Variants in APBB2 observed in about 807,000 individuals in gnomAD.
APBB2 encodes amyloid beta precursor protein binding family B member 2.
APBB2 carries 38 observed loss-of-function variants against 82.5 expected under a neutral mutation model. That is an observed-to-expected ratio of 0.46 (90% CI 0.36 to 0.60). The LOEUF is 0.60. APBB2 is among the 20% of genes least tolerant of loss of function. The probability of loss-of-function intolerance (pLI) is 0.00; values close to 1 mark genes in which losing one functional copy is unlikely to be tolerated. For missense variants in APBB2, 772 were observed against 972.3 expected (o/e 0.79, Z 2.74); for synonymous variants, 341 against 368.2 (o/e 0.93, Z 0.85).
rs534607038 is a variant in APBB2 at position 40,828,775 on chromosome 4, G to A, written c.1645-1556C>T. Among the ~76,000 whole-genome samples the A allele has an allele frequency of 3.0e-4, 45 of 152,138 alleles. 1 individual carries two copies. Among genetic ancestry groups the A allele is most frequent in the African/African-American group, 9.6e-4 (40 of 41,578 alleles). Reference sequence around the variant, plus strand: ...AATGTGAACATGGGCGGGAATAAACGTGGTGATCTCAAGACCAGTGCCCAT... The same window carrying A: ...AATGTGAACATGGGCGGGAATAAACATGGTGATCTCAAGACCAGTGCCCAT... On this transcript the variant is annotated intron_variant, in intron 13 of 17. Transcript: ENST00000508593.
intron 12 of APBB2, among the ~76,000 whole-genome samples, chr4:40,849,926 G>C (rs562693434): frequency 2.2e-4 from 33 of 152,132 alleles, no homozygotes; most frequent in Admixed American, 7.2e-4. Context: ...GTTTCACCAT[G>C]TTGCTCAGTC....
intron 6 of APBB2, among the ~76,000 whole-genome samples, chr4:41,008,217 G>A: frequency 6.6e-6 from 1 of 152,222 alleles, no homozygotes; most frequent in East Asian, 1.9e-4. Context: ...ACCTGAGAGT[G>A]AGAAAGTACC....
intron 2 of APBB2, among the ~76,000 whole-genome samples, chr4:41,124,492 G>T (rs1449577542): frequency 6.6e-6 from 1 of 152,014 alleles, no homozygotes; most frequent in Non-Finnish European, 1.5e-5. Context: ...TTACAGGCGT[G>T]AGCCACCGCG....
intron 6 of APBB2, among the ~76,000 whole-genome samples, chr4:40,993,356 T>A (rs1029712208): frequency 7.2e-6 from 1 of 139,404 alleles, no homozygotes; most frequent in Admixed American, 7.8e-5. Context: ...TAAGAACTCT[T>A]CTCTCTTTTT....
chr4:41,109,749 C>T (rs554650146), intron 2 of APBB2, among the ~76,000 whole-genome samples: 1 of 152,220 alleles, frequency 6.6e-6, no homozygotes, highest in African/African-American at 2.4e-5. Context: ...GGATTACAGC[C>T]GTGAGCCACT....
chr4:40,918,131 A>C (rs1352753075), intron 10 of APBB2, among the ~76,000 whole-genome samples: 1 of 152,256 alleles, frequency 6.6e-6, no homozygotes, highest in Non-Finnish European at 1.5e-5. Context: ...CTTATTTACA[A>C]TGTGACGTAT....
intron 6 of APBB2, among the ~76,000 whole-genome samples, chr4:40,969,895 A>G (rs920566673): frequency 6.6e-6 from 1 of 152,246 alleles, no homozygotes; most frequent in African/African-American, 2.4e-5. Flanking sequence ...TTTTCAATCA[A>G]TAAAATTGTG....
chr4:41,039,719 G>C (rs1487212527), intron 4 of APBB2, among the ~76,000 whole-genome samples: 1 of 151,918 alleles, frequency 6.6e-6, no homozygotes, highest in Non-Finnish European at 1.5e-5. Context: ...AATTAACTGG[G>C]CATGGTGGCA....
rs1035987197 is a variant in APBB2, at chr4:41,047,222, G to A, written c.-50-13918C>T. 1.4e-4 allele frequency among the ~76,000 whole-genome samples: 22 copies of A among 152,302 alleles called. 1 individual carries two copies. The highest frequency in any genetic ancestry group is 4.1e-4 in the African/African-American group (17 of 41,582). On this transcript the variant is annotated intron_variant, in intron 4 of 17. Coordinates refer to ENST00000508593, the MANE Select transcript of APBB2 (RefSeq NM_004307.2). ...GTTCTACTCCAACTGTAAGGTACTC[G>A]ATACTCCATTTCTGTTCTCCTATAA...
chr4:41,170,263 C>T (rs1047736497), intron 1 of APBB2, among the ~76,000 whole-genome samples: 2 of 152,130 alleles, frequency 1.3e-5, no homozygotes, highest in African/African-American at 4.8e-5. Flanking sequence ...ATAATGTAGG[C>T]ATATCCTAGG....
At chr4:41,136,173 T>C (rs1757503894) in intron 2 of APBB2, among the ~76,000 whole-genome samples, 1 of 152,214 alleles carries the variant, frequency 6.6e-6, no homozygotes, top group Admixed American at 6.5e-5. Flanking sequence ...AAACGATGGT[T>C]AAGAGGTTAC....
chr4:41,053,887 C>T (rs1331469011), intron 4 of APBB2, among the ~76,000 whole-genome samples: 2 of 152,206 alleles, frequency 1.3e-5, no homozygotes, highest in African/African-American at 4.8e-5. Context: ...ACTGTTTTCA[C>T]ACAAGATAAA....
intron 10 of APBB2, among the ~76,000 whole-genome samples, chr4:40,928,565 C>T (rs1270500801): frequency 7.3e-6 from 1 of 137,516 alleles, no homozygotes; most frequent in Non-Finnish European, 1.6e-5. Flanking sequence ...GCAAGAAGAG[C>T]GACACTCTGT....
intron 3 of APBB2, among the ~76,000 whole-genome samples, chr4:41,066,333 C>G (rs1179780709): frequency 6.6e-6 from 1 of 152,124 alleles, no homozygotes; most frequent in African/African-American, 2.4e-5. Flanking sequence ...TTTTTGTGGC[C>G]ATCAAGTCGA....
chr4:40,863,097 C>T (rs924497578), intron 12 of APBB2, among the ~76,000 whole-genome samples: 3 of 152,162 alleles, frequency 2.0e-5, no homozygotes, highest in Admixed American at 6.5e-5. Context: ...TGCTGCAGCT[C>T]TTTCTGTGTC....
At chr4:41,107,080 C>T (rs1445427702) in intron 2 of APBB2, among the ~76,000 whole-genome samples, 1 of 152,082 alleles carries the variant, frequency 6.6e-6, no homozygotes, top group East Asian at 1.9e-4. Context: ...GAGGCCAAGG[C>T]AGGCAGATCA....
At chr4:41,191,030 T>C (rs186522051) in intron 1 of APBB2, among the ~76,000 whole-genome samples, 1 of 152,130 alleles carries the variant, frequency 6.6e-6, no homozygotes, top group Non-Finnish European at 1.5e-5. Flanking sequence ...TTCAATTCTC[T>C]CTGAGGAGAA....
intron 12 of APBB2, among the ~76,000 whole-genome samples, chr4:40,883,238 C>T (rs971400719): frequency 1.3e-5 from 2 of 152,096 alleles, no homozygotes; most frequent in African/African-American, 2.4e-5. Flanking sequence ...GAGAAGATCA[C>T]TTGAGCCCAA....
intron 4 of APBB2, among the ~76,000 whole-genome samples, chr4:41,046,430 A>G (rs1344542156): frequency 6.6e-6 from 1 of 152,268 alleles, no homozygotes; most frequent in South Asian, 2.1e-4. Context: ...TATCTCAAAT[A>G]TACAACCAAG....
Sources: gnomAD v4.1 joint callset for allele counts (sites outside exome capture counted in the v4.1 genomes callset) on GRCh38, gnomAD v4.1.1 for gene constraint, MANE v1.5 for transcripts, NCBI Gene and HGNC (gene_info 2026-07-23, HGNC 2026-07-21) for gene names.